CHD6: variants seen among roughly 807,000 people sequenced by gnomAD.
The protein encoded by CHD6 is chromodomain helicase DNA binding protein 6, also known as ATP-dependent chromatin remodeler CHD6.
A neutral mutation model predicts 276.9 loss-of-function variants in CHD6; 50 were observed. That is an observed-to-expected ratio of 0.18 (90% CI 0.14 to 0.23). The LOEUF (loss-of-function observed/expected upper bound fraction) is 0.23. Among genes scored for constraint, CHD6 ranks in the 10% least tolerant of loss-of-function variants. The pLI is 1.00. For missense variants in CHD6, 2,564 were observed against 3,365.8 expected (o/e 0.76, Z 5.89); for synonymous variants, 1,173 against 1,229.3 (o/e 0.95, Z 0.96).
chr20:41,425,613 A>G (rs1421318629), intron 28 of CHD6, among the ~76,000 whole-genome samples: 3 of 152,142 alleles, frequency 2.0e-5, no homozygotes, highest in African/African-American at 7.2e-5. Context: ...TTATCTCTCA[A>G]ACACAGAAGT....
chr20:41,497,842 T>G, intron 7 of CHD6: 1 of 433,708 alleles, frequency 2.3e-6, no homozygotes, highest in East Asian at 4.4e-5. Context: ...GAGCATATGC[T>G]ACAGGAGAGT....
intron 3 of CHD6, among the ~76,000 whole-genome samples, chr20:41,521,352 G>A (rs2044389219): frequency 6.6e-6 from 1 of 152,148 alleles, no homozygotes; most frequent in Non-Finnish European, 1.5e-5. Flanking sequence ...AAGTGACTCT[G>A]AAACTATTTC....
At chr20:41,463,630 C>A (rs2042852639) in intron 17 of CHD6, among the ~76,000 whole-genome samples, 1 of 151,994 alleles carries the variant, frequency 6.6e-6, no homozygotes, top group African/African-American at 2.4e-5. Flanking sequence ...AAAAAACTGG[C>A]CAGTACTCTT....
chr20:41,555,220 T>G (rs868562309), intron 1 of CHD6, among the ~76,000 whole-genome samples: 1 of 119,300 alleles, frequency 8.4e-6, no homozygotes, highest in Non-Finnish European at 1.6e-5. Context: ...ATGGGGCGGC[T>G]GGCCGGGTGG....
intron 1 of CHD6, among the ~76,000 whole-genome samples, chr20:41,616,252 A>G (rs190556607): frequency 1.3e-5 from 2 of 152,316 alleles, no homozygotes; most frequent in Admixed American, 6.5e-5. Flanking sequence ...TAAAAATTAT[A>G]AAGATATAGA....
chr20:41,557,602 A>C (rs1350475285), intron 1 of CHD6, among the ~76,000 whole-genome samples: 1 of 152,162 alleles, frequency 6.6e-6, no homozygotes, highest in Admixed American at 6.5e-5. Flanking sequence ...ACTCTGCCAT[A>C]CTAACAATCC....
At chr20:41,596,429 T>C (rs544488533) in intron 1 of CHD6, among the ~76,000 whole-genome samples, 99 of 152,144 alleles carry the variant, frequency 6.5e-4, no homozygotes, top group Non-Finnish European at 1.0e-3. Context: ...GCTGAGTTAA[T>C]GTCCATCTTC....
intron 1 of CHD6, chr20:41,563,973 A>G (rs773846685): frequency 8.0e-6 from 6 of 754,524 alleles, no homozygotes; most frequent in African/African-American, 5.2e-5. Flanking sequence ...CTTTTCACTC[A>G]TTACATTTTA....
At chr20:41,551,383 C>T in intron 1 of CHD6, 23 bp from the exon 2 acceptor site, 1 of 1,127,760 alleles carries the variant, frequency 8.9e-7, no homozygotes, top group Non-Finnish European at 1.3e-6. Context: ...TTTAAAAAGG[C>T]AAAGATTATG....
intron 5 of CHD6, among the ~76,000 whole-genome samples, chr20:41,510,054 TG>T (rs2044077993): frequency 6.6e-6 from 1 of 152,182 alleles, no homozygotes; most frequent in African/African-American, 2.4e-5. Flanking sequence ...GAGATGGCAG[TG>T]GGGCCATTCT....
At chr20:41,505,847 A>ATCTCAGAGG (rs1568654467) in intron 5 of CHD6, among the ~76,000 whole-genome samples, 1 of 152,072 alleles carries the variant, frequency 6.6e-6, no homozygotes, top group Non-Finnish European at 1.5e-5. Flanking sequence ...CCACTTGAGT[A>ATCTCAGAGG]TCTCAGAGGT....
chr20:41,535,311 T>C (rs961332851), intron 2 of CHD6, among the ~76,000 whole-genome samples: 6 of 152,212 alleles, frequency 3.9e-5, no homozygotes, highest in African/African-American at 7.2e-5. Context: ...CTGCAAGGCA[T>C]GTTTCATGAC....
chr20:41,472,937 T>G, intron 17 of CHD6: 1 of 168,518 alleles, frequency 5.9e-6, no homozygotes, highest in Admixed American at 5.8e-5. Flanking sequence ...GTTAACTCGT[T>G]TACTGTACAT....
At position 41,422,056 on chromosome 20, in the gene CHD6, C is replaced by T. The variant is rs372656795; in HGVS notation, c.4579G>A (p.Val1527Ile). Reference protein sequence around the residue: ...DGGPPDTTIYVEPITEERAAR... With the variant: ...DGGPPDTTIYIEPITEERAAR... ...GCACGTTCCTCAGTGATGGGTTCAA[C>T]GTAGATGGTGGTATCTGGGGGACCT... is the stretch of plus-strand genomic sequence containing the variant. The change falls in exon 31 of 37, where the codon GTT becomes ATT. Residue 1527 changes from valine (V) to isoleucine (I), a missense_variant. Val to Ile is a conservative substitution (Grantham distance 29). This residue lies in a region of CHD6 where 515 missense variants were observed against 739.5 expected (regional missense o/e 0.70). Transcript: ENST00000373233. 7 of 1,610,142 alleles carry T rather than the reference C, an allele frequency of 4.3e-6. No homozygotes were observed. The highest frequency in any genetic ancestry group is 3.3e-5 in the South Asian group (3 of 90,734).
intron 3 of CHD6, among the ~76,000 whole-genome samples, chr20:41,520,232 A>T (rs2044356434): frequency 6.6e-6 from 1 of 152,168 alleles, no homozygotes; most frequent in African/African-American, 2.4e-5. Flanking sequence ...GGGACTGTAA[A>T]CTAGTTCAAC....
intron 1 of CHD6, among the ~76,000 whole-genome samples, chr20:41,574,742 A>C (rs2045455376): frequency 6.6e-6 from 1 of 152,176 alleles, no homozygotes; most frequent in Admixed American, 6.5e-5. Context: ...GTAAGCCCTT[A>C]AGAAATAACT....
intron 1 of CHD6, among the ~76,000 whole-genome samples, chr20:41,555,072 C>G (rs1170487292): frequency 6.7e-6 from 1 of 148,468 alleles, no homozygotes; most frequent in African/African-American, 2.5e-5. Flanking sequence ...ATTCCCCCAC[C>G]TCCCTCCTGG....
chr20:41,438,271 A>C (rs1312549366), intron 26 of CHD6, among the ~76,000 whole-genome samples: 2 of 152,060 alleles, frequency 1.3e-5, no homozygotes, highest in African/African-American at 4.8e-5. Context: ...GCTGATGCCT[A>C]CCTGTTTTTC....
chr20:41,534,829 A>C lies in CHD6; in HGVS notation c.34-1259T>G, dbSNP rs190457574. Among the ~76,000 whole-genome samples the C allele has an allele frequency of 9.9e-4, 151 of 152,332 alleles. 2 individuals are homozygous for C. The Middle Eastern group carries it at 0.02, about 21-fold the overall frequency. On this transcript the variant is annotated intron_variant, in intron 2 of 36. Coordinates refer to ENST00000373233, the MANE Select transcript of CHD6 (RefSeq NM_032221.5). ...ACAAAAAAAATGGTTAAGGTGGTAA[A>C]TTTTCTATCATATGCTTTTACCACA...
Sources: allele counts gnomAD v4.1 joint callset (sites outside exome capture counted in the v4.1 genomes callset), GRCh38; gene constraint gnomAD v4.1.1; regional missense constraint gnomAD v4.1.1; transcripts MANE v1.5; gene names NCBI Gene and HGNC (gene_info 2026-07-23, HGNC 2026-07-21).